Variants in FAM204A observed in about 807,000 individuals in gnomAD.
The protein encoded by FAM204A is family with sequence similarity 204 member A.
FAM204A carries 16 observed loss-of-function variants against 35.4 expected under a neutral mutation model. That is an observed-to-expected ratio of 0.45 (90% CI 0.31 to 0.69). The LOEUF (loss-of-function observed/expected upper bound fraction) is 0.69. FAM204A is among the 30% of genes least tolerant of loss of function. FAM204A has a pLI of 0.07. For missense variants in FAM204A, 240 were observed against 265.7 expected (o/e 0.90, Z 0.67); for synonymous variants, 76 against 86.9 (o/e 0.88, Z 0.70).
At chr10:118,336,501 T>G in intron 2 of FAM204A, 78 bp from the exon 3 acceptor site, 4 of 1,299,390 alleles carry the variant, frequency 3.1e-6, no homozygotes, top group Non-Finnish European at 4.1e-6. Flanking sequence ...ACATTCCAGG[T>G]GCCTAATAAT....
chr10:118,321,995 T>C (rs192564503), intron 7 of FAM204A, among the ~76,000 whole-genome samples: 42 of 152,232 alleles, frequency 2.8e-4, no homozygotes, highest in Admixed American at 2.6e-3. Flanking sequence ...TACTGAGAAA[T>C]TTAGCAAAGG....
In FAM204A at chr10:118,307,386, T is replaced by C. The variant is rs1386077070; in HGVS notation, c.*3471A>G. 1 of 152,180 alleles carries C rather than the reference T, an allele frequency of 6.6e-6. No homozygotes were observed. The highest frequency in any genetic ancestry group is 1.5e-5 in the Non-Finnish European group (1 of 68,034). The allele number at this position is 152,180 out of a possible 1,614,324, so 9.4% of individuals were successfully genotyped here. A position where few individuals can be genotyped will look rare whatever the true frequency, so the allele number is the denominator to read the frequency against. ...TGAATAAACAGTTGGCAGGAAAAAA[T>C]ATTGAACTGACATGCAAAGCATTTG... On this transcript the variant is annotated 3_prime_UTR_variant, in exon 9 of 9. Coordinates refer to ENST00000369183, the MANE Select transcript of FAM204A (RefSeq NM_022063.3).
chr10:118,342,016 G>C (rs1463429134), intron 1 of FAM204A, 89 bp from the exon 2 acceptor site: 1 of 152,278 alleles, frequency 6.6e-6, no homozygotes, highest in Non-Finnish European at 1.5e-5. Flanking sequence ...ACCTGGGTGG[G>C]ACGGAGAACC....
At chr10:118,313,575 T>A (rs957673572) in intron 7 of FAM204A, among the ~76,000 whole-genome samples, 1 of 152,166 alleles carries the variant, frequency 6.6e-6, no homozygotes, top group Non-Finnish European at 1.5e-5. Context: ...TGCATATAGG[T>A]CTCTCCACAT....
At chr10:118,333,285 G>A (rs1306328360) in intron 6 of FAM204A, among the ~76,000 whole-genome samples, 3 of 152,338 alleles carry the variant, frequency 2.0e-5, no homozygotes, top group South Asian at 4.1e-4. Context: ...CTCAGATATG[G>A]TAACAGATTA....
chr10:118,325,803 A>C (rs1846189345), intron 7 of FAM204A, among the ~76,000 whole-genome samples: 2 of 152,198 alleles, frequency 1.3e-5, no homozygotes, highest in African/African-American at 4.8e-5. Flanking sequence ...TGGCCTTAGA[A>C]TACACAGTTG....
chr10:118,329,335 T>C (rs1846251889), intron 6 of FAM204A, among the ~76,000 whole-genome samples: 2 of 152,306 alleles, frequency 1.3e-5, no homozygotes, highest in East Asian at 3.9e-4. Context: ...ATATTCCCTC[T>C]GAATAACATC....
rs928995377 is a variant in FAM204A at position 118,299,601 on chromosome 10, G to C, written c.*11256C>G. 2 of 151,910 alleles carry C rather than the reference G, an allele frequency of 1.3e-5. No individual in the cohort carries two copies. The highest frequency in any genetic ancestry group is 1.3e-4 in the Admixed American group (2 of 15,248). 9.4% of individuals were successfully genotyped at this position (151,910 alleles called of 1,614,324 possible). A position where few individuals can be genotyped will look rare whatever the true frequency, so the allele number is the denominator to read the frequency against. Reference sequence around the variant, plus strand: ...TCCTGCTGTTGCTCAGGCTAGTCTTGAACTCCTAGGCTCAAGCAGCTCTCC... The same window carrying C: ...TCCTGCTGTTGCTCAGGCTAGTCTTCAACTCCTAGGCTCAAGCAGCTCTCC... On this transcript the variant is annotated 3_prime_UTR_variant, in exon 9 of 9. Transcript: ENST00000369183.
In FAM204A at chr10:118,301,771, A is replaced by G. The variant is rs1246445863; in HGVS notation, c.*9086T>C. On this transcript the variant is annotated 3_prime_UTR_variant, in exon 9 of 9. Coordinates refer to ENST00000369183, the MANE Select transcript of FAM204A (RefSeq NM_022063.3). ...TCTCTATAAGATAGCTACTATTATT[A>G]TCTCCATTTCTCAGGAGAACCCAAG... is the stretch of plus-strand genomic sequence containing the variant. The G allele has an allele frequency of 2.0e-5, 3 of 152,154 alleles. No homozygotes were observed. Among genetic ancestry groups the G allele is most frequent in the African/African-American group, 7.2e-5 (3 of 41,444 alleles). 9.4% of individuals were successfully genotyped at this position (152,154 alleles called of 1,614,324 possible). A position where few individuals can be genotyped will look rare whatever the true frequency, so the allele number is the denominator to read the frequency against.
Position 118,298,986 on chromosome 10 carries a change from T to G in FAM204A, c.*11871A>C, listed in dbSNP as rs1265036750. ...GCCTAGCAACCACTAGACATTGTTT[T>G]GCTGCTTCACTCTAGAGAAGCCAAA... On this transcript the variant is annotated 3_prime_UTR_variant, in exon 9 of 9. Coordinates refer to ENST00000369183, the MANE Select transcript of FAM204A (RefSeq NM_022063.3). 6.6e-6 allele frequency: 1 copy of G among 152,212 alleles called. No homozygotes were observed. Among genetic ancestry groups the G allele is most frequent in the Non-Finnish European group, 1.5e-5 (1 of 68,032 alleles). The allele number at this position is 152,212 out of a possible 1,614,324, so 9.4% of individuals were successfully genotyped here. A position where few individuals can be genotyped will look rare whatever the true frequency, so the allele number is the denominator to read the frequency against.
rs1335427098 is a variant in FAM204A at position 118,326,253 on chromosome 10, A to G, written c.454-10T>C. 8.1e-6 allele frequency: 13 copies of G among 1,608,036 alleles called. No individual in the cohort carries two copies. The highest frequency in any genetic ancestry group is 1.1e-5 in the Non-Finnish European group (13 of 1,176,240). ...TCTTTTCAAGGCCTGACTAGAAAAA[A>G]AAGAAACCTAAAATTAAGGGCTGGA... On this transcript the variant is annotated splice_polypyrimidine_tract_variant and intron_variant, in intron 6 of 8. Coordinates refer to ENST00000369183, the MANE Select transcript of FAM204A (RefSeq NM_022063.3).
intron 6 of FAM204A, among the ~76,000 whole-genome samples, chr10:118,330,974 G>C (rs936161594): frequency 3.3e-5 from 5 of 152,112 alleles, no homozygotes; most frequent in African/African-American, 4.8e-5. Flanking sequence ...CATATATATA[G>C]AATACCTAGC....
intron 7 of FAM204A, among the ~76,000 whole-genome samples, chr10:118,321,875 A>G (rs1285350089): frequency 6.6e-6 from 1 of 152,112 alleles, no homozygotes; most frequent in African/African-American, 2.4e-5. Context: ...GAGGTAGACA[A>G]GGACAGAGTT....
At position 118,335,647 on chromosome 10, in the gene FAM204A, T is replaced by G. The variant is rs1304334212; in HGVS notation, c.235-6A>C. The G allele has an allele frequency of 1.3e-6, 2 of 1,582,506 alleles. No individual in the cohort carries two copies. The highest frequency in any genetic ancestry group is 1.7e-6 in the Non-Finnish European group (2 of 1,166,340). On this transcript the variant is annotated splice_region_variant and splice_polypyrimidine_tract_variant and intron_variant, in intron 3 of 8. Transcript: ENST00000369183. ...TTATGCAATTCTTGAAATTTCTATG[T>G]AAAAGAAAAAAAAATTGAGAAGCAA... is the stretch of plus-strand genomic sequence containing the variant.
In FAM204A at chr10:118,336,274, C is replaced by A. The variant is rs146725250; in HGVS notation, c.142G>T (p.Asp48Tyr). The change falls in exon 3 of 9, where the codon GAT (aspartate) becomes TAT (tyrosine). Residue 48 changes from aspartate (D) to tyrosine (Y), a missense_variant. Around this residue, in one of 2 missense-constraint regions of FAM204A, gnomAD observed 232 missense variants for 242.8 expected, o/e 0.96. Coordinates refer to ENST00000369183, the MANE Select transcript of FAM204A (RefSeq NM_022063.3). ...GTTTTTGGTTCATCTGTTGAGAAAT[C>A]TATGATTTCTGTTTTTCTGATGCTC... ...DESIRKTEII[D>Y]FSTDEPKTET... is the part of the protein sequence containing the mutation. 4 of 1,613,948 alleles carry A rather than the reference C, an allele frequency of 2.5e-6. No homozygotes were observed. The highest frequency in any genetic ancestry group is 2.7e-5 in the African/African-American group (2 of 75,036).
At chr10:118,318,042 C>T (rs1469012470) in intron 7 of FAM204A, among the ~76,000 whole-genome samples, 1 of 151,922 alleles carries the variant, frequency 6.6e-6, no homozygotes, top group Non-Finnish European at 1.5e-5. Context: ...TTTTCCCTCC[C>T]CAGTGTCCTA....
chr10:118,325,394 C>T (rs949896518), intron 7 of FAM204A, among the ~76,000 whole-genome samples: 5 of 151,330 alleles, frequency 3.3e-5, no homozygotes, highest in African/African-American at 2.4e-5. Flanking sequence ...ATGCTCTCTA[C>T]GTAACGAAAC....
intron 8 of FAM204A, 143 bp from the exon 9 acceptor site, chr10:118,311,051 G>T: frequency 9.5e-7 from 1 of 1,053,026 alleles, no homozygotes; most frequent in Non-Finnish European, 1.4e-6. Context: ...TAAACAGGAT[G>T]AAGAAATGCC....
intron 3 of FAM204A, 75 bp downstream of exon 3, chr10:118,336,107 C>T: frequency 2.0e-6 from 3 of 1,526,086 alleles, no homozygotes; most frequent in Non-Finnish European, 8.8e-7. Context: ...CATGCACATT[C>T]TGACCAGGGC....
Sources: gnomAD v4.1 joint callset for allele counts (sites outside exome capture counted in the v4.1 genomes callset) on GRCh38, gnomAD v4.1.1 for gene constraint, gnomAD v4.1.1 regional missense constraint, MANE v1.5 for transcripts, NCBI Gene and HGNC (gene_info 2026-07-23, HGNC 2026-07-21) for gene names.